PRMT9: variants seen among roughly 807,000 people sequenced by gnomAD.
PRMT9 encodes the protein protein arginine methyltransferase 9, also known as protein arginine N-methyltransferase 9.
Under a neutral mutation model 83.2 loss-of-function variants are expected in PRMT9, and 59 were observed. The observed-to-expected ratio is 0.71, with a 90% CI of 0.57 to 0.88. The LOEUF (loss-of-function observed/expected upper bound fraction) is 0.88, where lower values mean the gene tolerates loss of function less well. PRMT9 is among the 40% of genes least tolerant of loss of function. The pLI, the probability that PRMT9 is intolerant of heterozygous loss-of-function variation, is 0.00. For missense variants in PRMT9, 947 were observed against 1,021.9 expected (o/e 0.93, Z 1.00); for synonymous variants, 333 against 353.2 (o/e 0.94, Z 0.64).
intron 1 of PRMT9, 112 bp from the exon 2 acceptor site, chr4:147,680,583 A>T: frequency 1.2e-6 from 1 of 807,400 alleles, no homozygotes; most frequent in Non-Finnish European, 2.0e-6. Context: ...TTGAACAATC[A>T]CCTTAAACTT....
At chr4:147,680,540 T>C (rs1578946482) in intron 1 of PRMT9, 69 bp from the exon 2 acceptor site, 1 of 1,196,140 alleles carries the variant, frequency 8.4e-7, no homozygotes, top group Non-Finnish European at 1.2e-6. Context: ...ACATCATTAG[T>C]TGAAGATTCC....
chr4:147,657,761 G>C, intron 8 of PRMT9, 31 bp downstream of exon 8: 1 of 1,561,540 alleles, frequency 6.4e-7, no homozygotes, highest in South Asian at 1.1e-5. Flanking sequence ...ATTAAAGCAA[G>C]AGGTTAAAAA....
intron 1 of PRMT9, 107 bp from the exon 2 acceptor site, chr4:147,680,578 C>T (rs7666065): frequency 0.94 from 819,757 of 871,712 alleles, 390,304 homozygotes; most frequent in Non-Finnish European, 0.98. Flanking sequence ...CACTATTGAA[C>T]AATCACCTTA....
chr4:147,663,178 T>C (rs1735087784), intron 6 of PRMT9, among the ~76,000 whole-genome samples: 1 of 151,706 alleles, frequency 6.6e-6, no homozygotes, highest in Non-Finnish European at 1.5e-5. Flanking sequence ...CTGGCTACTT[T>C]TTTGTATTTT....
chr4:147,678,056 C>G (rs901569633), intron 2 of PRMT9, among the ~76,000 whole-genome samples: 1 of 152,088 alleles, frequency 6.6e-6, no homozygotes, highest in African/African-American at 2.4e-5. Flanking sequence ...AGAGTACATA[C>G]ACTGCATTCC....
chr4:147,654,126 A>G lies in PRMT9; in HGVS notation c.1771T>C (p.Phe591Leu). The change falls in exon 9 of 12, where the codon TTC (phenylalanine) becomes CTC (leucine). Residue 591 changes from phenylalanine (F) to leucine (L), a missense_variant. Transcript: ENST00000322396. The part of the protein sequence containing the change: ...PFYVLDVSEG[F>L]SVLPVIAGTL... Reference sequence around the variant, plus strand: ...CCAGCAATAACAGGCAGAACAGAGAAGCCTTCGGACACATCTAACACGTAG... The same window carrying G: ...CCAGCAATAACAGGCAGAACAGAGAGGCCTTCGGACACATCTAACACGTAG... 1 of 1,614,216 alleles carries G rather than the reference A, an allele frequency of 6.2e-7. No individual in the cohort carries two copies. The highest frequency in any genetic ancestry group is 8.5e-7 in the Non-Finnish European group (1 of 1,180,034).
chr4:147,668,325 C>T (rs1209860807), intron 6 of PRMT9, among the ~76,000 whole-genome samples: 1 of 151,930 alleles, frequency 6.6e-6, no homozygotes, highest in East Asian at 1.9e-4. Flanking sequence ...CACTCACCCA[C>T]GTGGTCTCGT....
At chr4:147,658,089 A>T in intron 7 of PRMT9, 114 bp from the exon 8 acceptor site, 1 of 743,590 alleles carries the variant, frequency 1.3e-6, no homozygotes, top group African/African-American at 1.8e-5. Flanking sequence ...TCCCTTAGGG[A>T]TTCAGTATCT....
rs776215873 is a variant in PRMT9, at chr4:147,673,131, A to G, written c.576-5T>C. ...CCAGCTTTTTTAGCAAACATGCTAC[A>G]AGGGAAAAAAGTTCTCCATCAAGAA... is the stretch of plus-strand genomic sequence containing the variant. On this transcript the variant is annotated splice_polypyrimidine_tract_variant and splice_region_variant and intron_variant, in intron 3 of 11. Transcript: ENST00000322396. 3.7e-6 allele frequency: 6 copies of G among 1,613,650 alleles called. No individual in the cohort carries two copies. Among genetic ancestry groups the G allele is most frequent in the Non-Finnish European group, 5.1e-6 (6 of 1,179,742 alleles).
intron 1 of PRMT9, among the ~76,000 whole-genome samples, 179 bp downstream of exon 1, chr4:147,683,620 T>C (rs1056403353): frequency 6.6e-6 from 1 of 152,058 alleles, no homozygotes. Context: ...CCTTTTTTCT[T>C]TTCTTTTTTT....
intron 9 of PRMT9, among the ~76,000 whole-genome samples, chr4:147,643,420 G>C (rs763382377): frequency 1.3e-5 from 2 of 152,164 alleles, no homozygotes; most frequent in Non-Finnish European, 2.9e-5. Flanking sequence ...TTTCAGAATA[G>C]TAAACCACTA....
intron 7 of PRMT9, among the ~76,000 whole-genome samples, chr4:147,660,173 T>C (rs1259309414): frequency 2.6e-5 from 4 of 152,212 alleles, no homozygotes; most frequent in Non-Finnish European, 4.4e-5. Flanking sequence ...ATTGAATAAC[T>C]TGGGGGGAAA....
intron 2 of PRMT9, among the ~76,000 whole-genome samples, chr4:147,678,216 A>T (rs997543543): frequency 6.6e-6 from 1 of 152,234 alleles, no homozygotes; most frequent in African/African-American, 2.4e-5. Context: ...TTTGTAGTTC[A>T]TTATTCATAA....
Position 147,683,882 on chromosome 4 carries a change from G to C in PRMT9, c.106C>G (p.Leu36Val). 4 of 1,613,626 alleles carry C rather than the reference G, an allele frequency of 2.5e-6. No homozygotes were observed. Among genetic ancestry groups the C allele is most frequent in the Non-Finnish European group, 3.4e-6 (4 of 1,179,976 alleles). Residue 36 changes from leucine (L) to valine (V), a missense_variant, in exon 1 of 12, where the codon CTG becomes GTG. Leu to Val is a conservative substitution (Grantham distance 32, BLOSUM62 1). Coordinates refer to ENST00000322396, the MANE Select transcript of PRMT9 (RefSeq NM_138364.4). ...GCAGTGCCGAAGTCCTGGACGCCCA[G>C]ACAGTGCTCTGCGCTCTGCAAGGAC... is the stretch of plus-strand genomic sequence containing the variant. ...SRSLQSAEHC[L>V]GVQDFGTAYA...
In PRMT9 at chr4:147,680,373, C is replaced by T. The variant is rs200434161; in HGVS notation, c.288G>A (p.Leu96=). The T allele has an allele frequency of 3.0e-4, 477 of 1,614,130 alleles. 8 individuals carry two copies. In the East Asian group the frequency reaches 9.4e-3, roughly 32 times the overall value. ...TGCAAATCACTTCATCATCAGGAAA[C>T]AGTTCCAAGGCCTGCTCATAGCAAC... The part of the protein sequence containing the change: ...LLGCYEQALE[L]FPDDEVICNS... Residue 96 remains leucine, a synonymous_variant, in exon 2 of 12, where the codon CTG becomes CTA. Transcript: ENST00000322396.
chr4:147,683,593 G>A (rs1044888945), intron 1 of PRMT9, among the ~76,000 whole-genome samples: 1 of 151,952 alleles, frequency 6.6e-6, no homozygotes, highest in African/African-American at 2.4e-5. Flanking sequence ...ACCCAACCAA[G>A]CACCCTAGCC....
chr4:147,673,595 T>C, intron 3 of PRMT9, 43 bp downstream of exon 3: 1 of 1,189,996 alleles, frequency 8.4e-7, no homozygotes. Flanking sequence ...TTAATTTACA[T>C]TAGAATACAT....
intron 2 of PRMT9, 36 bp downstream of exon 2, chr4:147,680,287 T>A: frequency 6.3e-7 from 1 of 1,597,470 alleles, no homozygotes; most frequent in Non-Finnish European, 8.6e-7. Flanking sequence ...TAATACAGAA[T>A]AATTCTTAAC....
chr4:147,643,508 C>A (rs1400152270), intron 9 of PRMT9, among the ~76,000 whole-genome samples: 1 of 152,140 alleles, frequency 6.6e-6, no homozygotes, highest in Non-Finnish European at 1.5e-5. Context: ...AATGGACACA[C>A]GTCTTTAGAT....
Sources: allele counts gnomAD v4.1 joint callset (sites outside exome capture counted in the v4.1 genomes callset), GRCh38; gene constraint gnomAD v4.1.1; transcripts MANE v1.5; gene names NCBI Gene and HGNC (gene_info 2026-07-23, HGNC 2026-07-21).